Variants in UBE2V1 observed in about 807,000 individuals in gnomAD.
UBE2V1 encodes the protein ubiquitin conjugating enzyme E2 V1, also known as ubiquitin-conjugating enzyme E2 variant 1.
Under a neutral mutation model 19.6 loss-of-function variants are expected in UBE2V1, and 15 were observed. The observed-to-expected ratio is 0.77, with a 90% confidence interval of 0.51 to 1.18. The LOEUF is 1.18. UBE2V1 is among the 50% of genes most tolerant of loss of function. The pLI, the probability that UBE2V1 is intolerant of heterozygous loss-of-function variation, is 0.00. For synonymous variants in UBE2V1, 60 were observed against 60.7 expected (o/e 0.99, Z 0.05); for missense variants, 125 against 184.8 (o/e 0.68, Z 1.88).
intron 2 of UBE2V1, among the ~76,000 whole-genome samples, chr20:50,089,527 G>A (rs1250980200): frequency 6.6e-6 from 1 of 152,208 alleles, no homozygotes; most frequent in East Asian, 1.9e-4. Flanking sequence ...ACCTTCAGAG[G>A]AAGCCAGCTG....
chr20:50,091,149 C>T (rs1289221491), intron 2 of UBE2V1, among the ~76,000 whole-genome samples: 2 of 152,038 alleles, frequency 1.3e-5, no homozygotes, highest in East Asian at 1.9e-4. Context: ...TGGGTTCAAG[C>T]GATTCTCCCT....
At chr20:50,109,028 T>C in intron 1 of UBE2V1, 4 of 985,476 alleles carry the variant, frequency 4.1e-6, no homozygotes, top group African/African-American at 1.7e-5. Flanking sequence ...GCCTGGGCTC[T>C]AGTCCGAGCA....
At chr20:50,104,115 C>T (rs2080191386) in intron 1 of UBE2V1, among the ~76,000 whole-genome samples, 1 of 146,938 alleles carries the variant, frequency 6.8e-6, no homozygotes, top group South Asian at 2.1e-4. Flanking sequence ...AACCCTGTCT[C>T]TACTAAAAAT....
chr20:50,098,977 T>C (rs989714585), intron 1 of UBE2V1: 9 of 985,324 alleles, frequency 9.1e-6, no homozygotes, highest in Non-Finnish European at 1.1e-5. Flanking sequence ...GTAGCAAACA[T>C]AAAACTGAAA....
chr20:50,106,869 AACAAC>A (rs1209342038), intron 1 of UBE2V1, among the ~76,000 whole-genome samples: 19 of 91,294 alleles, frequency 2.1e-4, no homozygotes, highest in African/African-American at 1.7e-4. Flanking sequence ...CAACAACAAC[AACAAC>A]AAAAAAAAAA....
rs1454970558 is a variant in UBE2V1, at chr20:50,084,239, G to A, written c.187C>T (p.Arg63Ter). Reference sequence around the variant, plus strand: ...CATTCTATTTTAAGGCTGTATATTCGGTTTTCATAAATTGTCTGGAAAAAA... The same window carrying A: ...CATTCTATTTTAAGGCTGTATATTCAGTTTTCATAAATTGTCTGGAAAAAA... The part of the protein sequence containing the change: ...IGPPRTIYEN[R>*]IYSLKIECGP... Residue 63 changes from arginine (R) to a stop codon, truncating the protein, a stop_gained, in exon 3 of 4, where the codon CGA becomes TGA. Transcript: ENST00000371674. LOFTEE classifies it high-confidence loss of function. 1.9e-6 allele frequency: 3 copies of A among 1,610,388 alleles called. No homozygotes were observed. The highest frequency in any genetic ancestry group is 1.7e-5 in the Admixed American group (1 of 59,646).
Position 50,082,701 on chromosome 20 carries a change from G to A in UBE2V1, c.*67C>T. 6.3e-7 allele frequency: 1 copy of A among 1,576,334 alleles called. No homozygotes were observed. Among genetic ancestry groups the A allele is most frequent in the Non-Finnish European group, 8.5e-7 (1 of 1,169,618 alleles). ...AGACGTATCTAGAAAATTTACTACT[G>A]TGGAAAATGAAGACTGATTAAATCG... On this transcript the variant is annotated 3_prime_UTR_variant, in exon 4 of 4. Coordinates refer to ENST00000371674, the MANE Select transcript of UBE2V1 (RefSeq NM_001032288.3).
At chr20:50,094,240 TGC>T (rs1378273842) in intron 2 of UBE2V1, among the ~76,000 whole-genome samples, 2 of 140,728 alleles carry the variant, frequency 1.4e-5, no homozygotes, top group Non-Finnish European at 3.0e-5. Flanking sequence ...TAATATATAA[TGC>T]ATTATATAAT....
intron 2 of UBE2V1, among the ~76,000 whole-genome samples, chr20:50,085,373 T>C (rs1378505529): frequency 6.6e-6 from 1 of 152,156 alleles, no homozygotes; most frequent in African/African-American, 2.4e-5. Context: ...CTTGCAACCC[T>C]GAAGACCCAG....
chr20:50,101,832 AC>A (rs2080021319), intron 1 of UBE2V1, among the ~76,000 whole-genome samples: 1 of 152,182 alleles, frequency 6.6e-6, no homozygotes, highest in Non-Finnish European at 1.5e-5. Context: ...CAAGATATAC[AC>A]AAAGGGCAAT....
intron 1 of UBE2V1, among the ~76,000 whole-genome samples, chr20:50,106,185 T>G (rs2147171860): frequency 6.6e-6 from 1 of 152,348 alleles, no homozygotes; most frequent in Middle Eastern, 3.4e-3. Flanking sequence ...TTGTTCCTAT[T>G]ATTTCAGAAT....
Position 50,096,837 on chromosome 20 carries a change from G to A in UBE2V1, c.23-17C>T. The A allele has an allele frequency of 6.2e-7, 1 of 1,613,536 alleles. No individual in the cohort carries two copies. Among genetic ancestry groups the A allele is most frequent in the South Asian group, 1.1e-5 (1 of 91,010 alleles). On this transcript the variant is annotated splice_polypyrimidine_tract_variant and intron_variant, in intron 1 of 3. Transcript: ENST00000371674. ...CTTTTACTCCTAAAATAAATGGAAA[G>A]AAATTCAAGATACCAGCAACTCCAG... is the stretch of plus-strand genomic sequence containing the variant.
At chr20:50,085,635 G>T (rs2078872329) in intron 2 of UBE2V1, among the ~76,000 whole-genome samples, 1 of 152,246 alleles carries the variant, frequency 6.6e-6, no homozygotes, top group East Asian at 1.9e-4. Context: ...TGTAAACAGC[G>T]GCATCTAGTG....
At chr20:50,086,706 T>C (rs2078932717) in intron 2 of UBE2V1, among the ~76,000 whole-genome samples, 2 of 152,078 alleles carry the variant, frequency 1.3e-5, no homozygotes, top group Non-Finnish European at 2.9e-5. Flanking sequence ...CTGATATTCA[T>C]CTGGTAATTT....
At chr20:50,099,152 A>G (rs2079825007) in intron 1 of UBE2V1, among the ~76,000 whole-genome samples, 1 of 152,204 alleles carries the variant, frequency 6.6e-6, no homozygotes, top group Non-Finnish European at 1.5e-5. Flanking sequence ...CATCAAAAGA[A>G]TCATATTGAT....
At chr20:50,107,534 G>T (rs569300836) in intron 1 of UBE2V1, among the ~76,000 whole-genome samples, 1 of 151,926 alleles carries the variant, frequency 6.6e-6, no homozygotes, top group South Asian at 2.1e-4. Context: ...GAGAAGGGGA[G>T]GATGGTTAAT....
At chr20:50,089,992 G>A (rs1271238641) in intron 2 of UBE2V1, among the ~76,000 whole-genome samples, 1 of 152,050 alleles carries the variant, frequency 6.6e-6, no homozygotes, top group Non-Finnish European at 1.5e-5. Context: ...CCCCTGCCCC[G>A]CAGGTGCCAG....
chr20:50,115,465 G>T (rs1660251620), upstream of UBE2V1: 3 of 1,539,080 alleles, frequency 1.9e-6, no homozygotes, highest in South Asian at 2.4e-5. Context: ...GAAGCATTTG[G>T]GTTCCTAAGG....
chr20:50,099,466 T>C (rs930276980), intron 1 of UBE2V1, among the ~76,000 whole-genome samples: 1 of 152,222 alleles, frequency 6.6e-6, no homozygotes, highest in African/African-American at 2.4e-5. Context: ...ACAGCTGTTA[T>C]CTCTGGGTAA....
Sources: allele counts gnomAD v4.1 joint callset (sites outside exome capture counted in the v4.1 genomes callset), GRCh38; gene constraint gnomAD v4.1.1; transcripts MANE v1.5; gene names NCBI Gene and HGNC (gene_info 2026-07-23, HGNC 2026-07-21).